The following SEC16A variants were observed in gnomAD, a reference collection of about 807,000 sequenced individuals.
SEC16A encodes protein transport protein Sec16A.
SEC16A carries 110 observed loss-of-function variants against 221.9 expected under a neutral mutation model. That is an observed-to-expected ratio of 0.50 (90% CI 0.42 to 0.58). SEC16A has a LOEUF of 0.58. SEC16A is among the 20% of genes least tolerant of loss of function. SEC16A has a pLI of 0.00. For synonymous variants in SEC16A, 1,393 were observed against 1,257.7 expected, an observed-to-expected ratio of 1.11 and a Z score of -2.28; for missense variants, 3,165 against 3,097.8, an observed-to-expected ratio of 1.02 and a Z score of -0.52.
chr9:136,458,863 G>T (rs567022228), intron 17 of SEC16A, among the ~76,000 whole-genome samples: 1 of 152,168 alleles, frequency 6.6e-6, no homozygotes, highest in Admixed American at 6.5e-5. Flanking sequence ...GATCAAAACA[G>T]TGCACTCCAG....
At position 136,475,503 on chromosome 9, in the gene SEC16A, C is replaced by T. The variant is rs765856747; in HGVS notation, c.2113G>A (p.Glu705Lys). 8.7e-6 allele frequency: 14 copies of T among 1,609,446 alleles called. No homozygotes were observed. In the South Asian group the frequency reaches 9.9e-5, roughly 11 times the overall value. The change falls in exon 3 of 32, where the codon GAG becomes AAG. Residue 705 changes from glutamate to lysine, a missense_variant. By Grantham distance (56) the Glu-to-Lys change is moderately conservative (BLOSUM62 1). This residue lies in a region of SEC16A where 2,030 missense variants were observed against 1,923.1 expected (regional missense o/e 1.06). Coordinates refer to ENST00000684901, the MANE Select transcript of SEC16A (RefSeq NM_014866.2). This position sits in a 1 kb window ranked among gnomAD's most constrained non-coding sequence, Gnocchi z 5.0. ...PPLDTVYPAP[E>K]KRPSARTQGP... ...TGGGTCCTGGCTGAAGGCCTCTTCT[C>T]GGGTGCTGGATACACAGTATCCAAG...
At chr9:136,449,510 A>G (rs1293523168) in intron 23 of SEC16A, among the ~76,000 whole-genome samples, 1 of 152,204 alleles carries the variant, frequency 6.6e-6, no homozygotes, top group African/African-American at 2.4e-5. Flanking sequence ...AGCATCCCAG[A>G]GTGCTGGGGT....
intron 1 of SEC16A, among the ~76,000 whole-genome samples, chr9:136,480,613 C>A: frequency 6.6e-6 from 1 of 152,110 alleles, no homozygotes. Context: ...CAGGGGTGGC[C>A]GGGCACGGTG....
At position 136,459,059 on chromosome 9, in the gene SEC16A, C is replaced by A; in HGVS notation, c.5409+75G>T. 1 of 1,066,396 alleles carries A rather than the reference C, an allele frequency of 9.4e-7. No individual in the cohort carries two copies. Among genetic ancestry groups the A allele is most frequent in the Non-Finnish European group, 1.4e-6 (1 of 736,958 alleles). The allele number at this position is 1,066,396 out of a possible 1,614,324, so 66.1% of individuals were successfully genotyped here. On this transcript the variant is annotated intron_variant, in intron 17 of 31. Transcript: ENST00000684901. The surrounding 1 kb of genome is among the most constrained non-coding windows in gnomAD (Gnocchi z 6.1). ...TTTTTTCGATACCAATTCAAACAAT[C>A]TAAGTAGCCAAAAGCTTGTTAGCAC...
At position 136,447,098 on chromosome 9, in the gene SEC16A, A is replaced by G. The variant is rs1837105036; in HGVS notation, c.6697+129T>C. On this transcript the variant is annotated intron_variant, in intron 27 of 31. Coordinates refer to ENST00000684901, the MANE Select transcript of SEC16A (RefSeq NM_014866.2). This position sits in a 1 kb window ranked among gnomAD's most constrained non-coding sequence, Gnocchi z 5.5. ...AAATCAAAAAAAAAACCACAAACCAACCCCAGGCTCTCTGCATGCTGGCCA... is the reference window on the plus strand; with the variant it reads ...AAATCAAAAAAAAAACCACAAACCAGCCCCAGGCTCTCTGCATGCTGGCCA... 1 of 1,512,146 alleles carries G rather than the reference A, an allele frequency of 6.6e-7. No homozygotes were observed. Among genetic ancestry groups the G allele is most frequent in the South Asian group, 1.3e-5 (1 of 77,346 alleles). 93.7% of individuals were successfully genotyped at this position (1,512,146 alleles called of 1,614,324 possible). A position where few individuals can be genotyped will look rare whatever the true frequency, so the allele number is the denominator to read the frequency against.
chr9:136,442,755 G>A (rs1267045795), intron 31 of SEC16A, among the ~76,000 whole-genome samples: 1 of 152,254 alleles, frequency 6.6e-6, no homozygotes, highest in Non-Finnish European at 1.5e-5. Flanking sequence ...ACCACAGGCA[G>A]CAGGAAACCT....
chr9:136,459,830 G>A lies in SEC16A; in HGVS notation c.5118C>T (p.Ala1706=). Residue 1706 remains alanine, a synonymous_variant, in exon 15 of 32, where the codon GCC becomes GCT. Coordinates refer to ENST00000684901, the MANE Select transcript of SEC16A (RefSeq NM_014866.2). This position sits in a 1 kb window ranked among gnomAD's most constrained non-coding sequence, Gnocchi z 6.1. ...TGTTGTTCAAGTTGGACAAGACCAT[G>A]GCGAGGTGCGGCCTCCAATCTCCCC... ...EKWGDWRPHL[A]MVLSNLNNNM... 1.2e-6 allele frequency: 2 copies of A among 1,613,636 alleles called. No individual in the cohort carries two copies. The highest frequency in any genetic ancestry group is 1.7e-6 in the Non-Finnish European group (2 of 1,179,758).
chr9:136,455,337 C>T (rs1588911760), intron 20 of SEC16A, among the ~76,000 whole-genome samples: 2 of 152,196 alleles, frequency 1.3e-5, no homozygotes, highest in South Asian at 2.1e-4. Flanking sequence ...AGGCAGCGGG[C>T]GCTCAGGGCA....
At chr9:136,482,898 C>T (rs1294339229) in intron 1 of SEC16A, 40 bp downstream of exon 1, 10 of 867,946 alleles carry the variant, frequency 1.2e-5, no homozygotes, top group African/African-American at 1.8e-5. Flanking sequence ...CCGCCTTCCT[C>T]CTCCCGCGCT....
At chr9:136,482,754 C>A (rs1842560238) in intron 1 of SEC16A, among the ~76,000 whole-genome samples, 184 bp downstream of exon 1, 1 of 152,000 alleles carries the variant, frequency 6.6e-6, no homozygotes, top group Non-Finnish European at 1.5e-5. Flanking sequence ...TCCGCTCTGG[C>A]CCGGGGGCCC....
chr9:136,445,208 G>T, intron 29 of SEC16A, 97 bp from the exon 30 acceptor site: 2 of 1,014,306 alleles, frequency 2.0e-6, no homozygotes, highest in South Asian at 1.4e-5. Flanking sequence ...AAAGCTTTGT[G>T]ATGCCATTAG....
chr9:136,452,151 GAA>G (rs2132016619), intron 22 of SEC16A, among the ~76,000 whole-genome samples: 1 of 152,232 alleles, frequency 6.6e-6, no homozygotes, highest in African/African-American at 2.4e-5. Flanking sequence ...TTCTACTGTA[GAA>G]AAAGAGACGG....
At chr9:136,452,723 G>A (rs1204328331) in intron 22 of SEC16A, among the ~76,000 whole-genome samples, 3 of 138,856 alleles carry the variant, frequency 2.2e-5, no homozygotes, top group Non-Finnish European at 4.6e-5. Flanking sequence ...CCAAGATGGC[G>A]CCACTGCATT....
intron 5 of SEC16A, among the ~76,000 whole-genome samples, chr9:136,467,460 GCCTC>G (rs1327904040): frequency 4.6e-5 from 7 of 152,300 alleles, no homozygotes; most frequent in African/African-American, 1.4e-4. Flanking sequence ...CCACACCTCA[GCCTC>G]CCTAAGTGCT....
Position 136,447,755 on chromosome 9 carries a change from C to G in SEC16A, c.6448-75G>C. On this transcript the variant is annotated intron_variant, in intron 25 of 31. Coordinates refer to ENST00000684901, the MANE Select transcript of SEC16A (RefSeq NM_014866.2). This position sits in a 1 kb window ranked among gnomAD's most constrained non-coding sequence, Gnocchi z 5.5. ...ACTGGGATGGCACAGTCAGGAGGCT[C>G]CAAAAGGGGCAACAGCCACCCAAAT... is the stretch of plus-strand genomic sequence containing the variant. 6.5e-7 allele frequency: 1 copy of G among 1,545,852 alleles called. No homozygotes were observed. The highest frequency in any genetic ancestry group is 8.9e-7 in the Non-Finnish European group (1 of 1,126,172).
chr9:136,457,105 G>A (rs770180517), intron 18 of SEC16A, among the ~76,000 whole-genome samples: 1 of 152,212 alleles, frequency 6.6e-6, no homozygotes, highest in Non-Finnish European at 1.5e-5. Context: ...TCTGGGAGGC[G>A]GAGGTTGCAT....
Position 136,477,235 on chromosome 9 carries a change from T to C in SEC16A, c.381A>G (p.Ala127=). The C allele has an allele frequency of 6.2e-7, 1 of 1,613,898 alleles. No individual in the cohort carries two copies. The change falls in exon 3 of 32, where the codon GCA becomes GCG. Residue 127 remains alanine (A), a synonymous_variant. Coordinates refer to ENST00000684901, the MANE Select transcript of SEC16A (RefSeq NM_014866.2). ...GCCCAGGAGGTGCTGAAGGTGTCAA[T>C]GCACCAGAAAACGGACTGGCATGTG... ...PRAHASPFSG[A]LTPSAPPGPE...
intron 8 of SEC16A, among the ~76,000 whole-genome samples, chr9:136,465,516 T>C (rs879656942): frequency 1.3e-4 from 20 of 150,830 alleles, no homozygotes; most frequent in Admixed American, 1.3e-3. Context: ...ACTTTATATC[T>C]TTACGTATAT....
In SEC16A at chr9:136,448,112, G is replaced by A. The variant is rs201354052; in HGVS notation, c.6362C>T (p.Ala2121Val). ...TTTGTTCTTGTCATCTGGCAAATAA[G>A]CTTCTGTCTTTTTCTTTCCAGGTAG... ...RWLPGKKKTEAYLPDDKNKSI... is the reference protein window; with the variant it reads ...RWLPGKKKTEVYLPDDKNKSI... The change falls in exon 24 of 32, where the codon GCT becomes GTT. Residue 2121 changes from alanine to valine, a missense_variant. Physicochemically the swap from Ala to Val is moderately conservative, Grantham distance 64 (BLOSUM62 0). Around this residue, in one of 3 missense-constraint regions of SEC16A, gnomAD observed 1,088 missense variants for 1,089.6 expected, o/e 1.00. Transcript: ENST00000684901. The A allele has an allele frequency of 3.7e-5, 59 of 1,613,286 alleles. No homozygotes were observed. Among genetic ancestry groups the A allele is most frequent in the Non-Finnish European group, 5.0e-5 (59 of 1,179,618 alleles).
Sources: gnomAD v4.1 joint callset for allele counts (sites outside exome capture counted in the v4.1 genomes callset) on GRCh38, gnomAD v4.1.1 for gene constraint, gnomAD v4.1.1 regional missense constraint, Gnocchi (gnomAD v3.1) non-coding constraint, MANE v1.5 for transcripts, NCBI Gene and HGNC (gene_info 2026-07-23, HGNC 2026-07-21) for gene names.